SOS1: variants seen among roughly 807,000 people sequenced by gnomAD.
SOS1 encodes the protein son of sevenless homolog 1.
SOS1 carries 25 observed loss-of-function variants against 157.6 expected under a neutral mutation model. The ratio of observed to expected loss-of-function variants is 0.16; its 90% CI spans 0.12 to 0.22. SOS1 has a LOEUF of 0.22. Among genes scored for constraint, SOS1 ranks in the 10% least tolerant of loss-of-function variants. SOS1 has a pLI of 1.00. For missense variants in SOS1, 1,237 were observed against 1,599.1 expected, an observed-to-expected ratio of 0.77 and a Z score of 3.86; for synonymous variants, 528 against 534.0, an observed-to-expected ratio of 0.99 and a Z score of 0.16.
At chr2:38,990,280 A>T (rs1234120954) in intron 20 of SOS1, among the ~76,000 whole-genome samples, 1 of 152,016 alleles carries the variant, frequency 6.6e-6, no homozygotes, top group Non-Finnish European at 1.5e-5. Context: ...ATTTCTAGGC[A>T]GCCCTAATTT....
intron 8 of SOS1, among the ~76,000 whole-genome samples, chr2:39,026,833 A>T (rs1236817482): frequency 1.3e-5 from 2 of 152,228 alleles, no homozygotes; most frequent in Admixed American, 1.3e-4. Context: ...CACACATAAA[A>T]TATACTAACA....
chr2:39,106,276 TAAA>T (rs200837438), intron 1 of SOS1, among the ~76,000 whole-genome samples: 3 of 147,804 alleles, frequency 2.0e-5, no homozygotes, highest in Non-Finnish European at 4.5e-5. Flanking sequence ...GTTACAGTTT[TAAA>T]AAAAAAACTT....
chr2:39,063,454 A>T (rs748585125), intron 2 of SOS1, among the ~76,000 whole-genome samples: 1 of 152,238 alleles, frequency 6.6e-6, no homozygotes, highest in Non-Finnish European at 1.5e-5. Flanking sequence ...TCCCCCATGG[A>T]AACTGAAGCA....
intron 6 of SOS1, among the ~76,000 whole-genome samples, chr2:39,038,306 G>C (rs142952217): frequency 6.6e-6 from 1 of 152,304 alleles, no homozygotes; most frequent in Non-Finnish European, 1.5e-5. Flanking sequence ...ACTTTAGTTG[G>C]AGGAAGTAAC....
At position 39,045,426 on chromosome 2, in the gene SOS1, T is replaced by C. The variant is rs554574416; in HGVS notation, c.864+5718A>G. ...ATTTTTTTCATTTCTTATAATTCTG[T>C]CAGTTTCTACTTCTTATATTTTGAG... On this transcript the variant is annotated intron_variant, in intron 6 of 22. Coordinates refer to ENST00000402219, the MANE Select transcript of SOS1 (RefSeq NM_005633.4). Among the ~76,000 whole-genome samples, 78 of 152,262 alleles carry C rather than the reference T, an allele frequency of 5.1e-4. No homozygotes were observed. In the South Asian group the frequency reaches 0.016, roughly 30 times the overall value.
chr2:38,986,024 C>A lies in SOS1; in HGVS notation c.3802G>T (p.Gly1268Cys), dbSNP rs730881051. 1 of 1,613,760 alleles carries A rather than the reference C, an allele frequency of 6.2e-7. No homozygotes were observed. The highest frequency in any genetic ancestry group is 8.5e-7 in the Non-Finnish European group (1 of 1,179,826). The change falls in exon 23 of 23, where the codon GGC (glycine) becomes TGC (cysteine). Residue 1268 changes from glycine (G) to cysteine (C), a missense_variant. Coordinates refer to ENST00000402219, the MANE Select transcript of SOS1 (RefSeq NM_005633.4). ...PPPPQTPSPH[G>C]TRRHLPSPPL... ...GGTGATGGCAGATGCCTTCTTGTGC[C>A]GTGAGGAGAAGGTGTTTGAGGAGGA...
At chr2:39,066,823 A>G (rs768697238) in intron 2 of SOS1, among the ~76,000 whole-genome samples, 46 of 152,146 alleles carry the variant, frequency 3.0e-4, no homozygotes, top group Non-Finnish European at 5.4e-4. Context: ...CATTAACAGA[A>G]ATCTTTTTGG....
chr2:39,028,319 A>G (rs929248341), intron 8 of SOS1, among the ~76,000 whole-genome samples: 1 of 152,216 alleles, frequency 6.6e-6, no homozygotes, highest in African/African-American at 2.4e-5. Context: ...CTGTCAAAAG[A>G]AAAAGCTACA....
intron 21 of SOS1, among the ~76,000 whole-genome samples, chr2:38,988,025 G>C (rs1668605512): frequency 6.6e-6 from 1 of 152,070 alleles, no homozygotes; most frequent in Non-Finnish European, 1.5e-5. Flanking sequence ...GTCCCTGGGA[G>C]TAGAGTGTGT....
rs191328262 is a variant in SOS1 at position 39,051,356 on chromosome 2, A to G, written c.721-69T>C. 1,043 of 1,415,780 alleles carry G rather than the reference A, an allele frequency of 7.4e-4. 4 individuals are homozygous for G. Among genetic ancestry groups the G allele is most frequent in the Non-Finnish European group, 9.5e-4 (954 of 1,008,488 alleles). 87.7% of individuals were successfully genotyped at this position (1,415,780 alleles called of 1,614,324 possible). A position where few individuals can be genotyped will look rare whatever the true frequency, so the allele number is the denominator to read the frequency against. Reference sequence around the variant, plus strand: ...ATAATATTAAACAAATTTTGAGCCAATAAGTCATTTTATAATCACAAAATT... The same window carrying G: ...ATAATATTAAACAAATTTTGAGCCAGTAAGTCATTTTATAATCACAAAATT... On this transcript the variant is annotated intron_variant, in intron 5 of 22. Transcript: ENST00000402219.
chr2:39,045,273 A>AGAGTGTGTGTGTGTGTGTGTGTGT (rs138343013), intron 6 of SOS1, among the ~76,000 whole-genome samples: 1 of 108,048 alleles, frequency 9.3e-6, no homozygotes, highest in Non-Finnish European at 1.9e-5. Flanking sequence ...AGAGAGAGAG[A>AGAGTGTGTGTGTGTGTGTGTGTGT]GTGTGTGTGT....
chr2:39,097,106 C>T (rs549018352), intron 1 of SOS1, among the ~76,000 whole-genome samples: 1 of 152,142 alleles, frequency 6.6e-6, no homozygotes, highest in East Asian at 1.9e-4. Context: ...TTCTTAAACT[C>T]AAGGAAATTC....
At chr2:39,010,896 C>CTTCTTTT (rs70954776) in intron 14 of SOS1, among the ~76,000 whole-genome samples, 193 bp from the exon 15 acceptor site, 4 of 132,914 alleles carry the variant, frequency 3.0e-5, no homozygotes, top group East Asian at 4.2e-4. Flanking sequence ...TTTTTTTAAA[C>CTTCTTTT]TTTTTTTTTT....
At chr2:39,110,126 G>T (rs1186828023) in intron 1 of SOS1, among the ~76,000 whole-genome samples, 1 of 151,092 alleles carries the variant, frequency 6.6e-6, no homozygotes, top group East Asian at 2.0e-4. Context: ...ATGGGGGATT[G>T]GTTCCAGGAC....
intron 1 of SOS1, among the ~76,000 whole-genome samples, chr2:39,117,389 T>C (rs773945381): frequency 1.2e-4 from 18 of 152,142 alleles, no homozygotes; most frequent in Non-Finnish European, 2.4e-4. Flanking sequence ...AGGCATGATA[T>C]ATTTGTGCAA....
chr2:39,083,174 A>G (rs777235750), intron 1 of SOS1, among the ~76,000 whole-genome samples: 106 of 152,168 alleles, frequency 7.0e-4, no homozygotes, highest in Non-Finnish European at 1.4e-3. Flanking sequence ...TTAGTTGGGT[A>G]TGACAAAAAT....
chr2:39,016,084 A>G (rs147779275), intron 10 of SOS1, among the ~76,000 whole-genome samples: 3 of 152,128 alleles, frequency 2.0e-5, no homozygotes, highest in African/African-American at 7.2e-5. Flanking sequence ...TCCTAGGTTT[A>G]GCCTTAAAAT....
intron 1 of SOS1, among the ~76,000 whole-genome samples, chr2:39,086,555 T>C (rs1394080810): frequency 6.6e-6 from 1 of 152,128 alleles, no homozygotes; most frequent in Admixed American, 6.5e-5. Context: ...TAATGCCCTA[T>C]CCTATCAAAA....
chr2:39,061,166 G>A (rs1319776110), intron 2 of SOS1, among the ~76,000 whole-genome samples: 1 of 149,934 alleles, frequency 6.7e-6, no homozygotes, highest in African/African-American at 2.5e-5. Flanking sequence ...TACTTACAAG[G>A]GTATTAATGA....
Sources: gnomAD v4.1 joint callset for allele counts (sites outside exome capture counted in the v4.1 genomes callset) on GRCh38, gnomAD v4.1.1 for gene constraint, MANE v1.5 for transcripts, NCBI Gene and HGNC (gene_info 2026-07-23, HGNC 2026-07-21) for gene names.